HS3ST4: variants seen among roughly 807,000 people sequenced by gnomAD.
The protein encoded by HS3ST4 is heparan sulfate glucosamine 3-O-sulfotransferase 4.
HS3ST4 carries 17 observed loss-of-function variants against 29.2 expected under a neutral mutation model. That is an observed-to-expected ratio of 0.58 (90% CI 0.40 to 0.87). HS3ST4 has a LOEUF of 0.87. Ranked by LOEUF, HS3ST4 falls within the 40% of genes least tolerant of loss-of-function variation. The pLI is 0.00. For synonymous variants in HS3ST4, 314 were observed against 285.7 expected, an observed-to-expected ratio of 1.10 and a Z score of -1.00; for missense variants, 627 against 634.5, an observed-to-expected ratio of 0.99 and a Z score of 0.13.
intron 1 of HS3ST4, among the ~76,000 whole-genome samples, chr16:25,993,011 C>A (rs183012689): frequency 1.2e-3 from 189 of 152,280 alleles, no homozygotes; most frequent in African/African-American, 4.2e-3. Context: ...AGTGGACTGC[C>A]ACCATTGTGA....
At chr16:26,097,995 A>G (rs1310005999) in intron 1 of HS3ST4, among the ~76,000 whole-genome samples, 2 of 152,238 alleles carry the variant, frequency 1.3e-5, no homozygotes, top group African/African-American at 4.8e-5. Context: ...GCTCATCATC[A>G]CTGGTCATCA....
At chr16:25,847,128 T>C (rs1294897821) in intron 1 of HS3ST4, among the ~76,000 whole-genome samples, 3 of 152,062 alleles carry the variant, frequency 2.0e-5, no homozygotes, top group African/African-American at 7.2e-5. Flanking sequence ...ATTGAGACAG[T>C]AGATTAATGT....
chr16:25,883,763 G>A (rs1967918406), intron 1 of HS3ST4, among the ~76,000 whole-genome samples: 1 of 152,166 alleles, frequency 6.6e-6, no homozygotes, highest in African/African-American at 2.4e-5. Flanking sequence ...CCATTTTGCA[G>A]ATGGGAAAAC....
chr16:25,958,413 C>A (rs1050737578), intron 1 of HS3ST4, among the ~76,000 whole-genome samples: 6 of 151,516 alleles, frequency 4.0e-5, no homozygotes, highest in African/African-American at 1.5e-4. Context: ...CTCACTGCAA[C>A]CTCTGCCTCC....
chr16:26,081,887 A>T (rs978419285), intron 1 of HS3ST4, among the ~76,000 whole-genome samples: 2 of 137,208 alleles, frequency 1.5e-5, no homozygotes, highest in African/African-American at 5.5e-5. Context: ...CCTCTGCCTC[A>T]TGGGTTCAAG....
intron 1 of HS3ST4, among the ~76,000 whole-genome samples, chr16:26,022,562 G>A (rs946960727): frequency 6.6e-6 from 1 of 152,286 alleles, no homozygotes. Flanking sequence ...CCCAGACTAT[G>A]TGGAAATGGA....
intron 1 of HS3ST4, among the ~76,000 whole-genome samples, chr16:26,096,243 A>G (rs747269502): frequency 6.6e-6 from 1 of 152,226 alleles, no homozygotes; most frequent in Admixed American, 6.5e-5. Context: ...AACACATTTT[A>G]TGAGGCCAAC....
chr16:26,032,639 C>A (rs1483780931), intron 1 of HS3ST4: 17 of 1,411,088 alleles, frequency 1.2e-5, no homozygotes, highest in Non-Finnish European at 1.6e-5. Flanking sequence ...ATCAGCTTTT[C>A]CCTTTTTCCC....
intron 1 of HS3ST4, among the ~76,000 whole-genome samples, chr16:25,978,939 T>TTTG (rs1385368848): frequency 2.0e-5 from 1 of 50,854 alleles, no homozygotes; most frequent in Admixed American, 2.8e-4. Flanking sequence ...TCTTTCTCTT[T>TTTG]TTGTTTTTTT....
At chr16:26,121,225 A>C (rs1899272993) in intron 1 of HS3ST4, among the ~76,000 whole-genome samples, 1 of 152,184 alleles carries the variant, frequency 6.6e-6, no homozygotes, top group South Asian at 2.1e-4. Flanking sequence ...AGCTCGAGGG[A>C]TGTTCATCCA....
At chr16:26,041,484 TA>T (rs1168040947) in intron 1 of HS3ST4, among the ~76,000 whole-genome samples, 5 of 152,068 alleles carry the variant, frequency 3.3e-5, no homozygotes, top group Admixed American at 1.3e-4. Context: ...GAAGTAACAT[TA>T]AAAAACGAAC....
chr16:25,766,252 C>T (rs1424891131), intron 1 of HS3ST4, among the ~76,000 whole-genome samples: 3 of 152,004 alleles, frequency 2.0e-5, no homozygotes, highest in African/African-American at 7.3e-5. Flanking sequence ...GAGATGAAGG[C>T]GTCTCCCCAA....
intron 1 of HS3ST4, among the ~76,000 whole-genome samples, chr16:25,999,890 A>ATAT (rs1567290828): frequency 8.3e-6 from 1 of 120,706 alleles, no homozygotes; most frequent in African/African-American, 3.3e-5. Flanking sequence ...TATTATATAT[A>ATAT]TATATTTTAT....
chr16:25,799,326 C>G (rs1966909539), intron 1 of HS3ST4, among the ~76,000 whole-genome samples: 1 of 152,158 alleles, frequency 6.6e-6, no homozygotes, highest in African/African-American at 2.4e-5. Flanking sequence ...AGCTTGTCCT[C>G]TTAGTGAGTT....
chr16:25,789,957 C>T (rs1410030476), intron 1 of HS3ST4, among the ~76,000 whole-genome samples: 1 of 152,104 alleles, frequency 6.6e-6, no homozygotes. Context: ...ATAATGTATC[C>T]ATTCTACTAT....
At chr16:26,131,013 C>T (rs1899411248) in intron 1 of HS3ST4, among the ~76,000 whole-genome samples, 1 of 152,220 alleles carries the variant, frequency 6.6e-6, no homozygotes, top group African/African-American at 2.4e-5. Flanking sequence ...ATCATGCTAC[C>T]ATGTAGCCAC....
rs775500881 is a variant in HS3ST4 at position 26,026,594 on chromosome 16, TATG to T, written c.735-109017_735-109015del. 9.9e-5 allele frequency among the ~76,000 whole-genome samples: 15 copies of T among 152,192 alleles called. No homozygotes were observed. In the South Asian group the frequency reaches 1.0e-3, roughly 11 times the overall value. ...TCAACTCTCTCCAGAAGAACAAGAATATGGAAAAACAAGATATGACATCACTTT... is the reference window on the plus strand; with the variant it reads ...TCAACTCTCTCCAGAAGAACAAGAATGAAAAACAAGATATGACATCACTTT... On this transcript the variant is annotated intron_variant, in intron 1 of 1. Transcript: ENST00000331351.
At chr16:25,904,177 T>C (rs1003552096) in intron 1 of HS3ST4, among the ~76,000 whole-genome samples, 6 of 133,378 alleles carry the variant, frequency 4.5e-5, no homozygotes, top group South Asian at 2.4e-4. Context: ...GATGGATGGA[T>C]GGATGGACGG....
intron 1 of HS3ST4, among the ~76,000 whole-genome samples, chr16:25,988,369 C>T (rs571509072): frequency 6.6e-6 from 1 of 152,320 alleles, no homozygotes; most frequent in Non-Finnish European, 1.5e-5. Flanking sequence ...TGCCCTCCCC[C>T]AAGCTGAGGC....
Sources: allele counts gnomAD v4.1 joint callset (sites outside exome capture counted in the v4.1 genomes callset), GRCh38; gene constraint gnomAD v4.1.1; transcripts MANE v1.5; gene names NCBI Gene and HGNC (gene_info 2026-07-23, HGNC 2026-07-21).